Variants in ECHDC1 observed in about 807,000 individuals in gnomAD.
ECHDC1 encodes the protein ethylmalonyl-CoA decarboxylase.
In ECHDC1, 29 loss-of-function variants were observed where a neutral mutation model predicts 29.7. The observed-to-expected ratio is 0.98, with a 90% CI of 0.73 to 1.33. ECHDC1 has a LOEUF of 1.33. Among genes scored for constraint, ECHDC1 ranks in the 40% most tolerant of loss-of-function variants. The pLI is 0.00. For synonymous variants in ECHDC1, 126 were observed against 123.1 expected (o/e 1.02, Z -0.15); for missense variants, 328 against 350.0 (o/e 0.94, Z 0.50).
intron 5 of ECHDC1, among the ~76,000 whole-genome samples, chr6:127,293,033 G>T (rs1427847735): frequency 6.6e-6 from 1 of 152,030 alleles, no homozygotes; most frequent in Non-Finnish European, 1.5e-5. Context: ...TATATTTCTT[G>T]TTACTACTGT....
At chr6:127,324,530 T>C (rs1472267162) in intron 3 of ECHDC1, among the ~76,000 whole-genome samples, 1 of 152,174 alleles carries the variant, frequency 6.6e-6, no homozygotes, top group Non-Finnish European at 1.5e-5. Flanking sequence ...TATATCAATG[T>C]ACTTGAAAAA....
At chr6:127,338,964 A>T (rs1286058905) in intron 1 of ECHDC1, among the ~76,000 whole-genome samples, 1 of 152,158 alleles carries the variant, frequency 6.6e-6, no homozygotes, top group Non-Finnish European at 1.5e-5. Context: ...TTCATCTTAT[A>T]CATTTTACTC....
At chr6:127,314,923 T>C (rs1782237433) in intron 4 of ECHDC1, 27 bp from the exon 5 acceptor site, 2 of 1,579,612 alleles carry the variant, frequency 1.3e-6, no homozygotes, top group Non-Finnish European at 1.7e-6. Flanking sequence ...AAACTGATGT[T>C]ACTATTTTTA....
At chr6:127,300,351 C>T (rs1478530586) in intron 5 of ECHDC1, among the ~76,000 whole-genome samples, 3 of 152,190 alleles carry the variant, frequency 2.0e-5, no homozygotes, top group African/African-American at 7.2e-5. Context: ...GACCTAATCT[C>T]TGGCAACTGT....
chr6:127,342,318 A>T, intron 1 of ECHDC1: 1 of 1,532,068 alleles, frequency 6.5e-7, no homozygotes, highest in Non-Finnish European at 8.8e-7. Context: ...CCACAAATCA[A>T]CTCTCCAACT....
chr6:127,303,343 C>T (rs1475609389), intron 5 of ECHDC1, among the ~76,000 whole-genome samples: 1 of 152,032 alleles, frequency 6.6e-6, no homozygotes, highest in Non-Finnish European at 1.5e-5. Context: ...GTGAATACAA[C>T]AGGAAAGTTC....
chr6:127,297,748 C>G (rs7768279), intron 5 of ECHDC1, among the ~76,000 whole-genome samples: 15 of 152,182 alleles, frequency 9.9e-5, no homozygotes, highest in African/African-American at 3.4e-4. Context: ...CAAGACATAC[C>G]CACAGCTGCA....
intron 5 of ECHDC1, 35 bp downstream of exon 5, chr6:127,314,781 A>G: frequency 6.5e-7 from 1 of 1,530,120 alleles, no homozygotes. Flanking sequence ...AGTTAATTAT[A>G]TTTGTGCAAG....
rs1779934160 is a variant in ECHDC1, at chr6:127,289,567, C to T, written c.*302G>A. 1 of 244,156 alleles carries T rather than the reference C, an allele frequency of 4.1e-6. No individual in the cohort carries two copies. Among genetic ancestry groups the T allele is most frequent in the African/African-American group, 2.2e-5 (1 of 44,600 alleles). The allele number at this position is 244,156 out of a possible 1,614,324, so 15.1% of individuals were successfully genotyped here. A position where few individuals can be genotyped will look rare whatever the true frequency, so the allele number is the denominator to read the frequency against. ...GCCAGGAATAGGTTTTGTATAGAAG[C>T]TCTCCTTTTAAACACTGCTCTTTGG... On this transcript the variant is annotated 3_prime_UTR_variant, in exon 6 of 6. Transcript: ENST00000454859.
At chr6:127,308,482 A>G (rs1781624825) in intron 5 of ECHDC1, among the ~76,000 whole-genome samples, 1 of 152,196 alleles carries the variant, frequency 6.6e-6, no homozygotes, top group Non-Finnish European at 1.5e-5. Context: ...GAAACTAGGT[A>G]TAGAAGGAAC....
chr6:127,323,081 T>G (rs150261945), intron 3 of ECHDC1, among the ~76,000 whole-genome samples: 1 of 152,134 alleles, frequency 6.6e-6, no homozygotes, highest in African/African-American at 2.4e-5. Flanking sequence ...ATGAAAATAC[T>G]GTATAAAATT....
At chr6:127,309,878 C>T (rs1781761356) in intron 5 of ECHDC1, among the ~76,000 whole-genome samples, 1 of 152,154 alleles carries the variant, frequency 6.6e-6, no homozygotes. Flanking sequence ...CACTTTTAAA[C>T]CACCAGTTCT....
chr6:127,314,378 C>T lies in ECHDC1; in HGVS notation c.497+438G>A, dbSNP rs541309461. Among the ~76,000 whole-genome samples the T allele has an allele frequency of 2.0e-5, 3 of 152,200 alleles. No homozygotes were observed. The South Asian group carries it at 6.2e-4, about 32-fold the overall frequency. On this transcript the variant is annotated intron_variant, in intron 5 of 5. Transcript: ENST00000454859. ...AAAGTCCCACAAAGTTGCTATAAAT[C>T]ACAGCAAAAAGAAGACAAAGGGATC... is the stretch of plus-strand genomic sequence containing the variant.
At chr6:127,291,227 AG>A (rs1780146854) in intron 5 of ECHDC1, among the ~76,000 whole-genome samples, 1 of 149,780 alleles carries the variant, frequency 6.7e-6, no homozygotes. Flanking sequence ...GGGCTGCTCT[AG>A]TTGCCATGTG....
At chr6:127,306,306 C>T (rs1226932093) in intron 5 of ECHDC1, among the ~76,000 whole-genome samples, 2 of 152,034 alleles carry the variant, frequency 1.3e-5, no homozygotes, top group African/African-American at 4.8e-5. Context: ...ATACAGGAAA[C>T]ATTATTAGAG....
At chr6:127,331,313 T>C (rs1783924174) in intron 1 of ECHDC1, among the ~76,000 whole-genome samples, 1 of 152,044 alleles carries the variant, frequency 6.6e-6, no homozygotes, top group South Asian at 2.1e-4. Flanking sequence ...GCCTGGCTAA[T>C]TTTTATATTT....
In ECHDC1 at chr6:127,317,199, A is replaced by G. The variant is rs532503905; in HGVS notation, c.364-697T>C. 2.6e-5 allele frequency among the ~76,000 whole-genome samples: 4 copies of G among 152,142 alleles called. No individual in the cohort carries two copies. In the South Asian group the frequency reaches 8.3e-4, roughly 32 times the overall value. On this transcript the variant is annotated intron_variant, in intron 3 of 5. Transcript: ENST00000454859. ...TTGCTCTCACTTTCTAGCAACATTT[A>G]CACACCTGGTTCTCTTATTTCTTTG...
chr6:127,296,200 GT>G (rs879831274), intron 5 of ECHDC1, among the ~76,000 whole-genome samples: 1 of 151,020 alleles, frequency 6.6e-6, no homozygotes, highest in Admixed American at 6.6e-5. Context: ...GTGTGTGTCT[GT>G]TTTTTTTTAG....
At chr6:127,323,187 T>C (rs1782990545) in intron 3 of ECHDC1, among the ~76,000 whole-genome samples, 1 of 152,126 alleles carries the variant, frequency 6.6e-6, no homozygotes, top group Admixed American at 6.6e-5. Flanking sequence ...TATATATATA[T>C]ATGTAAATAT....
Sources: allele counts gnomAD v4.1 joint callset (sites outside exome capture counted in the v4.1 genomes callset), GRCh38; gene constraint gnomAD v4.1.1; transcripts MANE v1.5; gene names NCBI Gene and HGNC (gene_info 2026-07-23, HGNC 2026-07-21).